The following SLC12A5 variants were observed in gnomAD, a reference collection of about 807,000 sequenced individuals.
SLC12A5 encodes K-Cl cotransporter 2.
Under a neutral mutation model 124.0 loss-of-function variants are expected in SLC12A5, and 18 were observed. The observed-to-expected ratio is 0.15, with a 90% CI of 0.10 to 0.22. The LOEUF (loss-of-function observed/expected upper bound fraction) is 0.22, where lower values mean the gene tolerates loss of function less well. Ranked by LOEUF, SLC12A5 falls within the 10% of genes least tolerant of loss-of-function variation. The probability of loss-of-function intolerance (pLI) is 1.00; values close to 1 mark genes in which losing one functional copy is unlikely to be tolerated. For missense variants in SLC12A5, 867 were observed against 1,478.7 expected (o/e 0.59, Z 6.78); for synonymous variants, 589 against 568.0 (o/e 1.04, Z -0.53).
rs1011795216 is a variant in SLC12A5, at chr20:46,045,815, G to T, written c.1570-63G>T. ...TGCCTCTACTCCACTGGTTCCCGAG[G>T]CTAGGGGAGAGGGCTGAGAAATCCT... On this transcript the variant is annotated intron_variant, in intron 12 of 25. Coordinates refer to ENST00000243964, the MANE Select transcript of SLC12A5 (RefSeq NM_020708.5). The surrounding 1 kb of genome is among the most constrained non-coding windows in gnomAD (Gnocchi z 4.9). 23 of 1,384,362 alleles carry T rather than the reference G, an allele frequency of 1.7e-5. No individual in the cohort carries two copies. Among genetic ancestry groups the T allele is most frequent in the Non-Finnish European group, 2.1e-5 (21 of 978,968 alleles). The allele number at this position is 1,384,362 out of a possible 1,614,324, so 85.8% of individuals were successfully genotyped here. A position where few individuals can be genotyped will look rare whatever the true frequency, so the allele number is the denominator to read the frequency against.
At chr20:46,042,230 A>G (rs1337648365) in intron 8 of SLC12A5, among the ~76,000 whole-genome samples, 3 of 152,192 alleles carry the variant, frequency 2.0e-5, no homozygotes, top group Non-Finnish European at 2.9e-5. Flanking sequence ...AGTTGGGACC[A>G]CATTCTGAAG....
At chr20:46,040,280 G>C in intron 6 of SLC12A5, 93 bp from the exon 7 acceptor site, 1 of 1,546,936 alleles carries the variant, frequency 6.5e-7, no homozygotes, top group South Asian at 1.2e-5. Context: ...CACTGTGACT[G>C]TGCTGTGATG....
chr20:46,047,910 T>G, intron 15 of SLC12A5, 71 bp from the exon 16 acceptor site: 2 of 1,390,680 alleles, frequency 1.4e-6, no homozygotes, highest in South Asian at 2.6e-5. Flanking sequence ...GGGTAGCTGG[T>G]GCAGTGTAGA....
At chr20:46,028,596 G>A (rs1600585248), upstream of SLC12A5, among the ~76,000 whole-genome samples, 1 of 152,168 alleles carries the variant, frequency 6.6e-6, no homozygotes, top group East Asian at 1.9e-4. Flanking sequence ...GCCCCTGGGG[G>A]TAGCACATTG....
upstream of SLC12A5, chr20:46,021,821 C>T: frequency 6.5e-7 from 1 of 1,534,672 alleles, no homozygotes; most frequent in Non-Finnish European, 8.7e-7. Flanking sequence ...GCCAGAAGCC[C>T]TGACCCAGAG....
upstream of SLC12A5, chr20:46,021,797 C>G (rs779070903): frequency 2.2e-5 from 34 of 1,533,474 alleles, no homozygotes; most frequent in Middle Eastern, 2.1e-3. Flanking sequence ...ACCTCGCTGC[C>G]CCCCGCAGGG....
chr20:46,036,616 GGAGCAGCTCAGCAGAA>G, intron 4 of SLC12A5, 109 bp from the exon 5 acceptor site: 3 of 946,820 alleles, frequency 3.2e-6, no homozygotes, highest in East Asian at 5.1e-5. Flanking sequence ...ACAGGTCCAG[GGAGCAGCTCAGCAGAA>G]GAGAACCTGT....
chr20:46,048,555 C>A (rs1020400606), intron 16 of SLC12A5, among the ~76,000 whole-genome samples: 31 of 152,084 alleles, frequency 2.0e-4, no homozygotes, highest in Admixed American at 2.0e-3. Flanking sequence ...AGATTAATGA[C>A]AATTCATCCA....
chr20:46,056,924 G>T lies in SLC12A5; in HGVS notation c.3125+13G>T, dbSNP rs1238774626. The T allele has an allele frequency of 6.2e-7, 1 of 1,614,104 alleles. No homozygotes were observed. Among genetic ancestry groups the T allele is most frequent in the African/African-American group, 1.3e-5 (1 of 75,016 alleles). The stretch of plus-strand genomic sequence containing the variant: ...AGTGGGAGAACTTGTAAGTGCTTCA[G>T]CATTTTTTCATTCTCTCTCCTAGGA... On this transcript the variant is annotated intron_variant, in intron 24 of 25. Coordinates refer to ENST00000243964, the MANE Select transcript of SLC12A5 (RefSeq NM_020708.5). This position sits in a 1 kb window ranked among gnomAD's most constrained non-coding sequence, Gnocchi z 4.3.
chr20:46,029,160 G>T (rs1283812575), upstream of SLC12A5: 91 of 1,406,194 alleles, frequency 6.5e-5, no homozygotes, highest in Non-Finnish European at 8.4e-5. Flanking sequence ...GAGGGGGCGC[G>T]CGCGGGTGTG....
At chr20:46,022,358 A>G (rs1278482159) in intron 1 of SLC12A5, among the ~76,000 whole-genome samples, 5 of 138,596 alleles carry the variant, frequency 3.6e-5, no homozygotes, top group Non-Finnish European at 6.1e-5. Flanking sequence ...TGGGGTCAGG[A>G]AAGGGCGGGA....
chr20:46,045,052 C>T lies in SLC12A5; in HGVS notation c.1481C>T (p.Ser494Phe). 6.2e-7 allele frequency: 1 copy of T among 1,614,002 alleles called. No individual in the cohort carries two copies. Among genetic ancestry groups the T allele is most frequent in the Non-Finnish European group, 8.5e-7 (1 of 1,179,948 alleles). The change falls in exon 12 of 26, where the codon TCC (serine) becomes TTC (phenylalanine). Residue 494 changes from serine to phenylalanine, a missense_variant. Ser to Phe is a radical substitution (Grantham distance 155). Coordinates refer to ENST00000243964, the MANE Select transcript of SLC12A5 (RefSeq NM_020708.5). The surrounding 1 kb of genome is among the most constrained non-coding windows in gnomAD (Gnocchi z 4.9). ...GTAATTGTCATCGGATCCTTCTTCT[C>T]CACCTGTGGGGCTGGGCTGCAGAGC... ...PWVIVIGSFF[S>F]TCGAGLQSLT...
chr20:46,040,042 ATTTG>A (rs2084532298), intron 6 of SLC12A5, among the ~76,000 whole-genome samples: 1 of 152,186 alleles, frequency 6.6e-6, no homozygotes. Flanking sequence ...ATGTATTTTT[ATTTG>A]TTTTTGAGAT....
At chr20:46,042,038 T>C (rs1332267315) in intron 8 of SLC12A5, among the ~76,000 whole-genome samples, 2 of 152,076 alleles carry the variant, frequency 1.3e-5, no homozygotes, top group Non-Finnish European at 2.9e-5. Flanking sequence ...AGTAAGGAAA[T>C]TGCAACCAGA....
intron 1 of SLC12A5, among the ~76,000 whole-genome samples, chr20:46,032,060 T>G (rs3859613): frequency 0.33 from 49,975 of 152,200 alleles, 9,272 homozygotes; most frequent in African/African-American, 0.51. Flanking sequence ...GACCCAGAAC[T>G]AGCCTACCTA....
intron 8 of SLC12A5, 136 bp from the exon 9 acceptor site, chr20:46,043,017 T>G: frequency 1.2e-6 from 1 of 862,750 alleles, no homozygotes; most frequent in Non-Finnish European, 1.8e-6. Context: ...TCAGTGGAAA[T>G]GAAATAGAGA....
intron 1 of SLC12A5, among the ~76,000 whole-genome samples, chr20:46,032,276 C>T (rs2145478722): frequency 6.6e-6 from 1 of 152,344 alleles, no homozygotes; most frequent in South Asian, 2.1e-4. Context: ...TTCCTGTCCC[C>T]TGAGCGCCAC....
chr20:46,046,049 G>A (rs2084592380), intron 13 of SLC12A5, 53 bp downstream of exon 13: 4 of 1,539,264 alleles, frequency 2.6e-6, no homozygotes, highest in Non-Finnish European at 3.6e-6. Flanking sequence ...TTCTCTATCT[G>A]AATCCTGCAG....
At chr20:46,027,268 C>T (rs2084407533), upstream of SLC12A5, among the ~76,000 whole-genome samples, 1 of 152,160 alleles carries the variant, frequency 6.6e-6, no homozygotes, top group Non-Finnish European at 1.5e-5. Flanking sequence ...GTCTGAATAG[C>T]TAACTCTCCA....
Sources: allele counts gnomAD v4.1 joint callset (sites outside exome capture counted in the v4.1 genomes callset), GRCh38; gene constraint gnomAD v4.1.1; non-coding constraint Gnocchi (gnomAD v3.1); transcripts MANE v1.5; gene names NCBI Gene and HGNC (gene_info 2026-07-23, HGNC 2026-07-21).